The following PMFBP1 variants were observed in gnomAD, a reference collection of about 807,000 sequenced individuals.
PMFBP1 encodes the protein polyamine modulated factor 1 binding protein 1.
Under a neutral mutation model 137.8 loss-of-function variants are expected in PMFBP1, and 131 were observed. The observed-to-expected ratio is 0.95, with a 90% confidence interval of 0.82 to 1.10. The LOEUF (loss-of-function observed/expected upper bound fraction) is 1.10, where lower values mean the gene tolerates loss of function less well. PMFBP1 is among the 50% of genes least tolerant of loss of function. PMFBP1 has a pLI of 0.00. For missense variants in PMFBP1, 1,199 were observed against 1,175.4 expected (o/e 1.02, Z -0.29); for synonymous variants, 490 against 450.4 (o/e 1.09, Z -1.11).
the PMFBP1 span, among the ~76,000 whole-genome samples, chr16:72,210,221 C>T: frequency 6.6e-6 from 1 of 152,094 alleles, no homozygotes; most frequent in African/African-American, 2.4e-5. Flanking sequence ...AATGTGTCAA[C>T]CAGAACAAAT....
intron 20 of PMFBP1, 176 bp downstream of exon 20, chr16:72,119,675 G>C (rs1293315807): frequency 1.4e-5 from 20 of 1,452,456 alleles, no homozygotes. Flanking sequence ...GATCAGAAGG[G>C]GTCTTAATTT....
chr16:72,128,978 C>T lies in PMFBP1; in HGVS notation c.1950+88G>A, dbSNP rs1481417938. 3.2e-6 allele frequency: 5 copies of T among 1,539,194 alleles called. No homozygotes were observed. In the East Asian group the frequency reaches 1.1e-4, roughly 35 times the overall value. ...CCCGTCTTTCCTAAGCTCTGAGCAT[C>T]CAGGGCCTCCGCATCCCTGGAGGCC... On this transcript the variant is annotated intron_variant, in intron 13 of 20. Transcript: ENST00000237353.
the PMFBP1 span, among the ~76,000 whole-genome samples, chr16:72,225,427 T>C: frequency 3.9e-5 from 6 of 152,214 alleles, 1 homozygote; most frequent in East Asian, 1.9e-4. Flanking sequence ...CAGTGGCTTA[T>C]GCCTATAATC....
chr16:72,233,644 G>A, the PMFBP1 span, among the ~76,000 whole-genome samples: 3 of 152,158 alleles, frequency 2.0e-5, no homozygotes, highest in South Asian at 2.1e-4. Context: ...TGTACACAAC[G>A]TGTACAGAGC....
intron 3 of PMFBP1, among the ~76,000 whole-genome samples, chr16:72,157,661 G>A (rs1470736194): frequency 6.6e-6 from 1 of 152,132 alleles, no homozygotes; most frequent in Non-Finnish European, 1.5e-5. Flanking sequence ...GAGACGAAAG[G>A]CCTTTGGAGG....
At chr16:72,135,261 C>A (rs996909967) in intron 9 of PMFBP1, among the ~76,000 whole-genome samples, 12 of 152,160 alleles carry the variant, frequency 7.9e-5, no homozygotes, top group Middle Eastern at 3.4e-3. Context: ...ATTGCAACCT[C>A]CCCTCCCGGC....
At chr16:72,131,037 C>G (rs1195626082) in intron 10 of PMFBP1, among the ~76,000 whole-genome samples, 3 of 152,136 alleles carry the variant, frequency 2.0e-5, no homozygotes, top group African/African-American at 7.2e-5. Context: ...GGGAGGCTTA[C>G]TGGCCCACCG....
chr16:72,242,828 A>C, the PMFBP1 span, among the ~76,000 whole-genome samples: 1 of 152,220 alleles, frequency 6.6e-6, no homozygotes, highest in Non-Finnish European at 1.5e-5. Flanking sequence ...GAATCTTTGA[A>C]AAGAGAGAGC....
chr16:72,144,090 A>G (rs1215725456), intron 5 of PMFBP1, among the ~76,000 whole-genome samples: 1 of 152,184 alleles, frequency 6.6e-6, no homozygotes, highest in Non-Finnish European at 1.5e-5. Context: ...CCATTTATAA[A>G]ACCAATAACA....
chr16:72,152,601 T>C (rs960036565), intron 4 of PMFBP1, among the ~76,000 whole-genome samples: 1 of 152,026 alleles, frequency 6.6e-6, no homozygotes, highest in Non-Finnish European at 1.5e-5. Context: ...CCCCAGCACT[T>C]TGGGAGGCCA....
At chr16:72,156,703 G>C (rs1005530168) in intron 3 of PMFBP1, among the ~76,000 whole-genome samples, 4 of 151,858 alleles carry the variant, frequency 2.6e-5, no homozygotes, top group African/African-American at 9.7e-5. Context: ...TGGTTTATCT[G>C]TTCACCAGTT....
the PMFBP1 span, among the ~76,000 whole-genome samples, chr16:72,223,835 GAA>G: frequency 6.6e-6 from 1 of 152,176 alleles, no homozygotes; most frequent in Non-Finnish European, 1.5e-5. Context: ...TACATGAAGA[GAA>G]ACACATTGGA....
the PMFBP1 span, among the ~76,000 whole-genome samples, chr16:72,194,966 C>A: frequency 3.9e-5 from 6 of 152,188 alleles, no homozygotes; most frequent in East Asian, 1.9e-4. Flanking sequence ...CCATAGTGTT[C>A]CTTCATTCTG....
chr16:72,169,591 T>C (rs2043191999), intron 2 of PMFBP1, among the ~76,000 whole-genome samples: 1 of 152,104 alleles, frequency 6.6e-6, no homozygotes, highest in Non-Finnish European at 1.5e-5. Context: ...AACCTGCACA[T>C]TCTGCACATG....
At chr16:72,150,494 A>C in intron 5 of PMFBP1, 114 bp downstream of exon 5, 2 of 963,490 alleles carry the variant, frequency 2.1e-6, no homozygotes, top group Non-Finnish European at 3.3e-6. Flanking sequence ...AAGGGCAGGA[A>C]GTGACATCTG....
chr16:72,234,678 CTTCT>C, the PMFBP1 span, among the ~76,000 whole-genome samples: 1 of 152,152 alleles, frequency 6.6e-6, no homozygotes, highest in East Asian at 1.9e-4. Context: ...TTGCAATAAA[CTTCT>C]TTGCCTATTT....
At chr16:72,207,811 T>C in the PMFBP1 span, among the ~76,000 whole-genome samples, 1 of 151,842 alleles carries the variant, frequency 6.6e-6, no homozygotes, top group Admixed American at 6.6e-5. Flanking sequence ...CACATGAATA[T>C]GAAGGCTAAG....
chr16:72,214,751 A>C, the PMFBP1 span, among the ~76,000 whole-genome samples: 2 of 152,208 alleles, frequency 1.3e-5, no homozygotes, highest in Non-Finnish European at 2.9e-5. Flanking sequence ...ACAGGAATAA[A>C]TCCAACATTA....
At chr16:72,192,303 AGGTATT>A in the PMFBP1 span, among the ~76,000 whole-genome samples, 1 of 152,162 alleles carries the variant, frequency 6.6e-6, no homozygotes, top group South Asian at 2.1e-4. Flanking sequence ...ACATTTCCTC[AGGTATT>A]TTGTTTCACC....
Sources: allele counts gnomAD v4.1 joint callset (sites outside exome capture counted in the v4.1 genomes callset), GRCh38; gene constraint gnomAD v4.1.1; transcripts MANE v1.5; gene names NCBI Gene and HGNC (gene_info 2026-07-23, HGNC 2026-07-21).